Variants in ARID1B observed in about 807,000 individuals in gnomAD.
The protein encoded by ARID1B is AT-rich interaction domain 1B, also known as AT-rich interactive domain-containing protein 1B.
Under a neutral mutation model 212.3 loss-of-function variants are expected in ARID1B, and 30 were observed. The observed-to-expected ratio is 0.14, with a 90% CI of 0.11 to 0.19. ARID1B has a LOEUF of 0.19. ARID1B is among the 10% of genes least tolerant of loss of function. ARID1B has a pLI of 1.00. For synonymous variants in ARID1B, 1,402 were observed against 1,301.7 expected (o/e 1.08, Z -1.66); for missense variants, 2,891 against 3,204.0 (o/e 0.90, Z 2.36).
At chr6:157,070,978 T>C (rs781604394) in intron 4 of ARID1B, among the ~76,000 whole-genome samples, 1 of 152,210 alleles carries the variant, frequency 6.6e-6, no homozygotes, top group Non-Finnish European at 1.5e-5. Flanking sequence ...TGCCGAGCCC[T>C]GGGGCCCACA....
At chr6:156,915,654 G>A (rs1790290789) in intron 3 of ARID1B, among the ~76,000 whole-genome samples, 1 of 151,868 alleles carries the variant, frequency 6.6e-6, no homozygotes, top group Non-Finnish European at 1.5e-5. Context: ...CCAGCACTTT[G>A]GGAGGCCCAG....
chr6:157,140,665 C>A (rs1021773005), intron 7 of ARID1B: 1 of 398,494 alleles, frequency 2.5e-6, no homozygotes, highest in Non-Finnish European at 4.4e-6. Context: ...GTCACCTGCC[C>A]AGAACCAGAT....
chr6:157,034,915 G>A (rs746482667), intron 4 of ARID1B, among the ~76,000 whole-genome samples: 3 of 152,114 alleles, frequency 2.0e-5, no homozygotes, highest in South Asian at 2.1e-4. Flanking sequence ...AATTAAATTC[G>A]TTTAAAGGTA....
chr6:157,131,393 G>A (rs915447661), intron 6 of ARID1B, among the ~76,000 whole-genome samples: 2 of 152,140 alleles, frequency 1.3e-5, no homozygotes, highest in Admixed American at 6.5e-5. Flanking sequence ...GGCAAGGGTT[G>A]GTGTGACCTC....
chr6:157,153,927 ACC>A (rs1790378123), intron 8 of ARID1B, among the ~76,000 whole-genome samples: 1 of 152,228 alleles, frequency 6.6e-6, no homozygotes, highest in Non-Finnish European at 1.5e-5. Context: ...GGCGTGAGCC[ACC>A]ACTCCTGACC....
intron 1 of ARID1B, among the ~76,000 whole-genome samples, chr6:156,797,942 G>T (rs1780508216): frequency 6.6e-6 from 1 of 152,244 alleles, no homozygotes; most frequent in South Asian, 2.1e-4. Context: ...TCCACAGGGG[G>T]CAGGAAGACA....
chr6:157,197,467 G>A (rs955561659), intron 16 of ARID1B, among the ~76,000 whole-genome samples: 1 of 152,224 alleles, frequency 6.6e-6, no homozygotes, highest in Non-Finnish European at 1.5e-5. Context: ...TACCAAATGA[G>A]GTTTCTTTAT....
chr6:156,859,703 G>A (rs1785189846), intron 2 of ARID1B, among the ~76,000 whole-genome samples: 1 of 152,180 alleles, frequency 6.6e-6, no homozygotes, highest in Admixed American at 6.5e-5. Flanking sequence ...AAAAGCCGTA[G>A]GTTGCAAAAC....
chr6:156,882,268 G>A (rs1218843155), intron 2 of ARID1B, among the ~76,000 whole-genome samples: 1 of 152,008 alleles, frequency 6.6e-6, no homozygotes, highest in African/African-American at 2.4e-5. Context: ...CCAGCTCCTC[G>A]GGCAGAGTTG....
chr6:156,837,128 A>C (rs550375698), intron 2 of ARID1B, among the ~76,000 whole-genome samples: 8 of 152,240 alleles, frequency 5.3e-5, no homozygotes, highest in Non-Finnish European at 1.0e-4. Flanking sequence ...TATCAGTCTA[A>C]TAAATTATTT....
At chr6:156,917,134 AT>A (rs370939962) in intron 3 of ARID1B, among the ~76,000 whole-genome samples, 2,776 of 148,906 alleles carry the variant, frequency 0.019, 72 homozygotes, top group African/African-American at 0.063. Context: ...AGAAGTCACC[AT>A]TTTTTTTTTA....
intron 2 of ARID1B, among the ~76,000 whole-genome samples, chr6:156,835,856 C>T (rs1044611393): frequency 2.0e-5 from 3 of 152,158 alleles, no homozygotes; most frequent in Admixed American, 2.0e-4. Context: ...ATCCTCCCAC[C>T]TCAGCCTCCC....
chr6:157,011,673 A>G (rs1185538099), intron 4 of ARID1B, among the ~76,000 whole-genome samples: 4 of 152,228 alleles, frequency 2.6e-5, no homozygotes, highest in Non-Finnish European at 4.4e-5. Context: ...TTATTTTTGT[A>G]TAGTGTTAAT....
At chr6:156,866,621 G>C (rs1390194866) in intron 2 of ARID1B, among the ~76,000 whole-genome samples, 2 of 152,092 alleles carry the variant, frequency 1.3e-5, no homozygotes, top group Non-Finnish European at 1.5e-5. Context: ...TCTTTATCCA[G>C]AGTCTCTTTA....
rs145857100 is a variant in ARID1B, at chr6:157,189,690, G to A, written c.3968G>A (p.Ser1323Asn). The change falls in exon 14 of 20, where the codon AGC becomes AAC. Residue 1323 changes from serine to asparagine, a missense_variant. Transcript: ENST00000636930. ...CCACAGACCCCCCAGTCAACTGGCA[G>A]CAATTCCATGGCAGAGGTTCCAGGT... ...QGPQTPQSTG[S>N]NSMAEVPGDL... is the part of the protein sequence containing the mutation. The A allele has an allele frequency of 5.0e-6, 8 of 1,613,792 alleles. No individual in the cohort carries two copies. In the African/African-American group the frequency reaches 1.1e-4, roughly 22 times the overall value.
At chr6:157,004,897 C>CTTTTTTGTTTTTTTTTTTTTTT (rs1562542228) in intron 4 of ARID1B, among the ~76,000 whole-genome samples, 8 of 54,738 alleles carry the variant, frequency 1.5e-4, no homozygotes, top group African/African-American at 2.2e-4. Flanking sequence ...CTTCTTTTTT[C>CTTTTTTGTTTTTTTTTTTTTTT]TTTTTTTTTT....
chr6:156,923,114 G>C (rs1463491826), intron 3 of ARID1B, among the ~76,000 whole-genome samples: 3 of 152,172 alleles, frequency 2.0e-5, no homozygotes, highest in Admixed American at 6.5e-5. Flanking sequence ...ACCATCCCTG[G>C]CCCAAGGAGG....
intron 3 of ARID1B, among the ~76,000 whole-genome samples, chr6:156,929,705 C>G (rs1791539860): frequency 6.6e-6 from 1 of 152,156 alleles, no homozygotes; most frequent in African/African-American, 2.4e-5. Flanking sequence ...TGACAGTTAT[C>G]ACTTATTCCA....
chr6:157,174,843 A>T lies in ARID1B; in HGVS notation c.3346-4A>T. On this transcript the variant is annotated splice_region_variant and splice_polypyrimidine_tract_variant and intron_variant, in intron 10 of 19. Coordinates refer to ENST00000636930, the MANE Select transcript of ARID1B (RefSeq NM_001374828.1). Reference sequence around the variant, plus strand: ...TTTTTTTTTTTTTTATTCCTCTACCACAGGATAGCTACAGCTCTCAGGGTA... The same window carrying T: ...TTTTTTTTTTTTTTATTCCTCTACCTCAGGATAGCTACAGCTCTCAGGGTA... 1 of 1,515,884 alleles carries T rather than the reference A, an allele frequency of 6.6e-7. No individual in the cohort carries two copies. The highest frequency in any genetic ancestry group is 8.8e-7 in the Non-Finnish European group (1 of 1,131,732). 93.9% of individuals were successfully genotyped at this position (1,515,884 alleles called of 1,614,324 possible).
Sources: allele counts gnomAD v4.1 joint callset (sites outside exome capture counted in the v4.1 genomes callset), GRCh38; gene constraint gnomAD v4.1.1; transcripts MANE v1.5; gene names NCBI Gene and HGNC (gene_info 2026-07-23, HGNC 2026-07-21).